TNIK: variants seen among roughly 807,000 people sequenced by gnomAD.
The protein encoded by TNIK is TRAF2 and NCK-interacting protein kinase.
Under a neutral mutation model 191.3 loss-of-function variants are expected in TNIK, and 49 were observed. The ratio of observed to expected loss-of-function variants is 0.26; its 90% confidence interval spans 0.20 to 0.32. The LOEUF (loss-of-function observed/expected upper bound fraction) is 0.32, where lower values mean the gene tolerates loss of function less well. Ranked by LOEUF, TNIK falls within the 10% of genes least tolerant of loss-of-function variation. The probability of loss-of-function intolerance (pLI) is 1.00; values close to 1 mark genes in which losing one functional copy is unlikely to be tolerated. For synonymous variants in TNIK, 594 were observed against 600.9 expected (o/e 0.99, Z 0.17); for missense variants, 1,155 against 1,702.3 (o/e 0.68, Z 5.66).
At chr3:171,377,765 C>T (rs1382138545) in intron 1 of TNIK, among the ~76,000 whole-genome samples, 1 of 152,152 alleles carries the variant, frequency 6.6e-6, no homozygotes, top group East Asian at 1.9e-4. Context: ...TCCAAAACAA[C>T]ATATATAAAG....
chr3:171,190,606 A>G (rs1048058260), intron 6 of TNIK, 91 bp downstream of exon 6: 1 of 1,006,208 alleles, frequency 9.9e-7, no homozygotes, highest in Non-Finnish European at 1.4e-6. Context: ...CTCCAAATCC[A>G]CGGTGACAAA....
At chr3:171,101,352 C>G (rs1470458632) in intron 22 of TNIK, 97 bp downstream of exon 22, 1 of 1,362,660 alleles carries the variant, frequency 7.3e-7, no homozygotes, top group African/African-American at 1.5e-5. Context: ...TTGCCACAGA[C>G]CCATATACAA....
chr3:171,352,183 A>G (rs935103495), intron 2 of TNIK, among the ~76,000 whole-genome samples: 37 of 152,186 alleles, frequency 2.4e-4, no homozygotes, highest in African/African-American at 8.9e-4. Context: ...CACAAATGCA[A>G]AATTGGGCTT....
intron 2 of TNIK, among the ~76,000 whole-genome samples, chr3:171,361,553 A>G (rs1049816334): frequency 2.0e-5 from 3 of 152,242 alleles, no homozygotes; most frequent in Non-Finnish European, 4.4e-5. Flanking sequence ...TGAAAAATTC[A>G]TCAAGCCAAC....
At chr3:171,289,678 G>C (rs902068969) in intron 2 of TNIK, among the ~76,000 whole-genome samples, 6 of 152,104 alleles carry the variant, frequency 3.9e-5, no homozygotes, top group African/African-American at 1.4e-4. Context: ...GAGGCAGGCA[G>C]ATCACTTGAG....
At chr3:171,252,116 A>C (rs1477706138) in intron 2 of TNIK, among the ~76,000 whole-genome samples, 1 of 152,078 alleles carries the variant, frequency 6.6e-6, no homozygotes, top group Non-Finnish European at 1.5e-5. Context: ...CTTAACAGCC[A>C]AAACAATCTC....
At chr3:171,446,783 T>C (rs1467500489) in intron 1 of TNIK, among the ~76,000 whole-genome samples, 1 of 152,206 alleles carries the variant, frequency 6.6e-6, no homozygotes, top group Non-Finnish European at 1.5e-5. Flanking sequence ...CTATCTTCTA[T>C]GATCATCACA....
chr3:171,145,089 T>TCTCTC (rs34097012), intron 12 of TNIK, among the ~76,000 whole-genome samples: 1,519 of 47,092 alleles, frequency 0.032, 25 homozygotes, highest in South Asian at 0.092. Context: ...TATCTCTCTC[T>TCTCTC]TTTTTTTTTT....
Position 171,146,776 on chromosome 3 carries a change from G to C in TNIK, c.1222-6267C>G, listed in dbSNP as rs140598377. On this transcript the variant is annotated intron_variant, in intron 12 of 32. Transcript: ENST00000436636. The stretch of plus-strand genomic sequence containing the variant: ...GTGATGGTGCGTGCCTCTAATCCCA[G>C]CTACTCAGGAGGCTGAGGCAGGAGA... Among the ~76,000 whole-genome samples, 1,220 of 152,006 alleles carry C rather than the reference G, an allele frequency of 8.0e-3. 14 individuals are homozygous for C. The highest frequency in any genetic ancestry group is 0.031 in the East Asian group (162 of 5,176).
rs150359054 is a variant in TNIK at position 171,091,435 on chromosome 3, A to G, written c.2721+2404T>C. On this transcript the variant is annotated intron_variant, in intron 23 of 32. Transcript: ENST00000436636. ...TCTCAGCCTCCATATCATATGAGCTACATCCTCATAATGAAGCAGTCTCTC... is the reference window on the plus strand; with the variant it reads ...TCTCAGCCTCCATATCATATGAGCTGCATCCTCATAATGAAGCAGTCTCTC... 1.5e-3 allele frequency among the ~76,000 whole-genome samples: 224 copies of G among 152,208 alleles called. 1 individual carries two copies. Among genetic ancestry groups the G allele is most frequent in the African/African-American group, 5.3e-3 (219 of 41,534 alleles).
At chr3:171,094,069 A>G (rs1164545448) in intron 22 of TNIK, 101 bp from the exon 23 acceptor site, 5 of 1,378,800 alleles carry the variant, frequency 3.6e-6, no homozygotes, top group Non-Finnish European at 3.8e-6. Flanking sequence ...ATACATATTA[A>G]TAACATAAAA....
intron 22 of TNIK, among the ~76,000 whole-genome samples, chr3:171,100,045 A>G (rs1723250281): frequency 6.6e-6 from 1 of 152,238 alleles, no homozygotes. Context: ...CAGCAGGGCT[A>G]TCACATAGTG....
chr3:171,459,042 T>C (rs922843010), intron 1 of TNIK, among the ~76,000 whole-genome samples: 1 of 152,176 alleles, frequency 6.6e-6, no homozygotes, highest in South Asian at 2.1e-4. Context: ...AAGCAGCACT[T>C]GGATTCCTGG....
At chr3:171,145,005 C>T (rs190188300) in intron 12 of TNIK, among the ~76,000 whole-genome samples, 2 of 152,148 alleles carry the variant, frequency 1.3e-5, no homozygotes, top group East Asian at 3.9e-4. Context: ...TTCACGCATC[C>T]ACTGATGGAC....
At chr3:171,195,043 G>A (rs1738525173) in intron 4 of TNIK, among the ~76,000 whole-genome samples, 1 of 152,122 alleles carries the variant, frequency 6.6e-6, no homozygotes, top group Non-Finnish European at 1.5e-5. Flanking sequence ...TTACAAAAGT[G>A]CACACTGTTT....
At chr3:171,066,884 T>A in intron 30 of TNIK, 149 bp from the exon 31 acceptor site, 1 of 932,720 alleles carries the variant, frequency 1.1e-6, no homozygotes, top group Non-Finnish European at 1.6e-6. Flanking sequence ...CACTGACTTG[T>A]AAAATACCCT....
intron 17 of TNIK, among the ~76,000 whole-genome samples, chr3:171,124,384 AG>A (rs1728185074): frequency 6.6e-6 from 1 of 152,214 alleles, no homozygotes; most frequent in African/African-American, 2.4e-5. Flanking sequence ...ATCTTCAAAA[AG>A]GCTGTGTAAG....
At chr3:171,364,920 A>C (rs1715479101) in intron 2 of TNIK, among the ~76,000 whole-genome samples, 1 of 152,096 alleles carries the variant, frequency 6.6e-6, no homozygotes, top group Admixed American at 6.6e-5. Flanking sequence ...TCTAATATAG[A>C]AATTAAATAA....
intron 2 of TNIK, among the ~76,000 whole-genome samples, chr3:171,314,709 CAATA>C (rs201853244): frequency 6.6e-6 from 1 of 151,876 alleles, no homozygotes; most frequent in East Asian, 1.9e-4. Flanking sequence ...CCCACACAAA[CAATA>C]AATAAATAAA....
Sources: gnomAD v4.1 joint callset for allele counts (sites outside exome capture counted in the v4.1 genomes callset) on GRCh38, gnomAD v4.1.1 for gene constraint, MANE v1.5 for transcripts, NCBI Gene and HGNC (gene_info 2026-07-23, HGNC 2026-07-21) for gene names.